The following KHDRBS2 variants were observed in gnomAD, a reference collection of about 807,000 sequenced individuals.
KHDRBS2 encodes KH domain-containing, RNA-binding, signal transduction-associated protein 2.
Under a neutral mutation model 44.3 loss-of-function variants are expected in KHDRBS2, and 26 were observed. That is an observed-to-expected ratio of 0.59 (90% confidence interval 0.43 to 0.81). The LOEUF (loss-of-function observed/expected upper bound fraction) is 0.81, where lower values mean the gene tolerates loss of function less well. Ranked by LOEUF, KHDRBS2 falls within the 40% of genes least tolerant of loss-of-function variation. KHDRBS2 has a pLI of 0.00. For synonymous variants in KHDRBS2, 194 were observed against 151.1 expected (o/e 1.28, Z -2.08); for missense variants, 476 against 433.1 (o/e 1.10, Z -0.88).
chr6:61,676,825 G>A (rs1206821258), downstream of KHDRBS2, among the ~76,000 whole-genome samples: 1 of 151,770 alleles, frequency 6.6e-6, no homozygotes, highest in Non-Finnish European at 1.5e-5. Context: ...CCATATTAAA[G>A]GCCATGCTAA....
the KHDRBS2 span, among the ~76,000 whole-genome samples, chr6:61,613,087 T>G: frequency 1.3e-5 from 2 of 152,066 alleles, no homozygotes; most frequent in African/African-American, 4.8e-5. Flanking sequence ...CTCCTGACCT[T>G]GTGATCCTCC....
the KHDRBS2 span, among the ~76,000 whole-genome samples, chr6:61,569,857 C>A: frequency 6.6e-6 from 1 of 152,114 alleles, no homozygotes; most frequent in African/African-American, 2.4e-5. Flanking sequence ...CTGGGAAGTC[C>A]CATCCCTAGG....
intron 4 of KHDRBS2, among the ~76,000 whole-genome samples, chr6:61,954,735 CAT>C (rs1491564836): frequency 2.4e-5 from 2 of 83,412 alleles, no homozygotes; most frequent in African/African-American, 9.0e-5. Context: ...TGTATACATA[CAT>C]ATGTGTATAT....
chr6:61,700,023 G>C (rs1768401641), intron 7 of KHDRBS2, among the ~76,000 whole-genome samples: 1 of 151,842 alleles, frequency 6.6e-6, no homozygotes, highest in Non-Finnish European at 1.5e-5. Context: ...CCTCATATAG[G>C]GGTAGCAAAT....
At chr6:61,656,990 T>C in the KHDRBS2 span, among the ~76,000 whole-genome samples, 1 of 151,956 alleles carries the variant, frequency 6.6e-6, no homozygotes, top group Non-Finnish European at 1.5e-5. Context: ...AACAGACTTG[T>C]CTAGGGTGAA....
intron 5 of KHDRBS2, among the ~76,000 whole-genome samples, chr6:61,895,924 G>A (rs1350329497): frequency 1.3e-5 from 2 of 152,128 alleles, no homozygotes; most frequent in African/African-American, 4.8e-5. Flanking sequence ...TGAAGGGTAC[G>A]AATGCTGGCA....
chr6:61,550,696 T>C, the KHDRBS2 span, among the ~76,000 whole-genome samples: 4 of 151,192 alleles, frequency 2.6e-5, no homozygotes, highest in African/African-American at 9.7e-5. Flanking sequence ...CCCTTTTCTA[T>C]ACAACCCCTC....
intron 2 of KHDRBS2, among the ~76,000 whole-genome samples, chr6:62,157,137 C>T (rs1484692529): frequency 6.6e-6 from 1 of 151,458 alleles, no homozygotes; most frequent in East Asian, 2.0e-4. Context: ...GGGCGGATCA[C>T]GAGGTCAAGT....
chr6:61,913,470 T>C (rs987442150), intron 4 of KHDRBS2, among the ~76,000 whole-genome samples: 5 of 151,796 alleles, frequency 3.3e-5, no homozygotes, highest in African/African-American at 1.2e-4. Context: ...GATTCCTTTA[T>C]TGCCTTCCTC....
At chr6:62,141,674 C>A (rs1185411661) in intron 2 of KHDRBS2, among the ~76,000 whole-genome samples, 1 of 152,036 alleles carries the variant, frequency 6.6e-6, no homozygotes, top group Non-Finnish European at 1.5e-5. Flanking sequence ...TATATACATG[C>A]AATCCCTCTA....
At chr6:61,843,206 T>C (rs1034834568) in intron 6 of KHDRBS2, among the ~76,000 whole-genome samples, 2 of 151,968 alleles carry the variant, frequency 1.3e-5, no homozygotes, top group African/African-American at 4.8e-5. Context: ...TGCTAATGGG[T>C]ACAGGGTATC....
At chr6:61,567,869 G>A in the KHDRBS2 span, among the ~76,000 whole-genome samples, 2 of 151,982 alleles carry the variant, frequency 1.3e-5, no homozygotes. Context: ...TTTTGGATGT[G>A]AGGGTGATCT....
chr6:61,847,719 A>G (rs1249096997), intron 6 of KHDRBS2, among the ~76,000 whole-genome samples: 1 of 152,094 alleles, frequency 6.6e-6, no homozygotes, highest in African/African-American at 2.4e-5. Context: ...CAATAATAAA[A>G]GTGTTTTCTT....
chr6:61,830,021 A>G (rs551051821), intron 6 of KHDRBS2, among the ~76,000 whole-genome samples: 5 of 152,296 alleles, frequency 3.3e-5, no homozygotes, highest in Admixed American at 2.6e-4. Flanking sequence ...GTTGTCTACT[A>G]CTCTGAATCT....
At chr6:62,102,927 C>A (rs1005581751) in intron 2 of KHDRBS2, among the ~76,000 whole-genome samples, 10 of 152,128 alleles carry the variant, frequency 6.6e-5, no homozygotes, top group African/African-American at 2.4e-4. Context: ...GGAGGGTGAG[C>A]ATGGCAGAGA....
At chr6:61,689,827 A>G (rs1171571560) in intron 8 of KHDRBS2, among the ~76,000 whole-genome samples, 1 of 152,018 alleles carries the variant, frequency 6.6e-6, no homozygotes, top group African/African-American at 2.4e-5. Context: ...CATTTGTTCA[A>G]TACAAGAAGA....
At chr6:62,273,016 G>T (rs796815705) in intron 1 of KHDRBS2, among the ~76,000 whole-genome samples, 20 of 152,180 alleles carry the variant, frequency 1.3e-4, no homozygotes, top group African/African-American at 4.6e-4. Context: ...AAAAAAAAGG[G>T]ATACATAAGT....
At chr6:62,074,059 G>A (rs897298598) in intron 2 of KHDRBS2, among the ~76,000 whole-genome samples, 1 of 151,770 alleles carries the variant, frequency 6.6e-6, no homozygotes. Flanking sequence ...GATGTGCTAA[G>A]CTGCACCCAT....
intron 7 of KHDRBS2, among the ~76,000 whole-genome samples, chr6:61,703,086 A>G (rs929870227): frequency 2.6e-5 from 4 of 151,892 alleles, no homozygotes; most frequent in African/African-American, 9.7e-5. Context: ...CTATATTTCT[A>G]GAATATAAAA....
Sources: gnomAD v4.1 joint callset for allele counts (sites outside exome capture counted in the v4.1 genomes callset) on GRCh38, gnomAD v4.1.1 for gene constraint, MANE v1.5 for transcripts, NCBI Gene and HGNC (gene_info 2026-07-23, HGNC 2026-07-21) for gene names.